Variants in RNGTT observed in about 807,000 individuals in gnomAD.
RNGTT encodes the protein mRNA-capping enzyme.
A neutral mutation model predicts 79.3 loss-of-function variants in RNGTT; 33 were observed. That is an observed-to-expected ratio of 0.42 (90% confidence interval 0.32 to 0.56). The LOEUF (loss-of-function observed/expected upper bound fraction) is 0.56, where lower values mean the gene tolerates loss of function less well. Ranked by LOEUF, RNGTT falls within the 20% of genes least tolerant of loss-of-function variation. RNGTT has a pLI of 0.17. For synonymous variants in RNGTT, 222 were observed against 235.9 expected (o/e 0.94, Z 0.54); for missense variants, 497 against 739.1 (o/e 0.67, Z 3.80).
intron 14 of RNGTT, among the ~76,000 whole-genome samples, chr6:88,642,908 T>C (rs1773377624): frequency 6.6e-6 from 1 of 152,222 alleles, no homozygotes; most frequent in Non-Finnish European, 1.5e-5. Flanking sequence ...AGAGCTAAGT[T>C]TGAAAAAATT....
intron 14 of RNGTT, among the ~76,000 whole-genome samples, chr6:88,616,483 T>C (rs1314100361): frequency 6.6e-6 from 1 of 152,162 alleles, no homozygotes; most frequent in Non-Finnish European, 1.5e-5. Flanking sequence ...GGTTCCAATG[T>C]CACATCCTTA....
At chr6:88,858,930 G>A (rs943486530) in intron 8 of RNGTT, among the ~76,000 whole-genome samples, 3 of 152,084 alleles carry the variant, frequency 2.0e-5, no homozygotes, top group African/African-American at 7.2e-5. Flanking sequence ...CAAGTGTAAA[G>A]AGAAAGCAGG....
chr6:88,751,349 A>G (rs1217649662), intron 13 of RNGTT, among the ~76,000 whole-genome samples: 1 of 152,156 alleles, frequency 6.6e-6, no homozygotes, highest in Non-Finnish European at 1.5e-5. Context: ...AGCTTGACTT[A>G]TAAATATTAG....
intron 2 of RNGTT, among the ~76,000 whole-genome samples, chr6:88,933,368 C>T (rs761116355): frequency 2.0e-5 from 3 of 152,172 alleles, no homozygotes; most frequent in Admixed American, 6.5e-5. Context: ...TACATTATAT[C>T]TAACTATATG....
intron 8 of RNGTT, among the ~76,000 whole-genome samples, chr6:88,878,371 A>T (rs1782587852): frequency 6.6e-6 from 1 of 152,182 alleles, no homozygotes; most frequent in African/African-American, 2.4e-5. Context: ...TGCTGGGATT[A>T]TAGGCATGAG....
At chr6:88,829,144 C>T (rs745823717) in intron 11 of RNGTT, among the ~76,000 whole-genome samples, 9 of 152,148 alleles carry the variant, frequency 5.9e-5, no homozygotes, top group Admixed American at 3.3e-4. Context: ...AGAGAAAGGT[C>T]GGGTTACCCA....
chr6:88,686,334 T>C (rs1775277062), intron 13 of RNGTT, among the ~76,000 whole-genome samples: 1 of 152,066 alleles, frequency 6.6e-6, no homozygotes, highest in Admixed American at 6.6e-5. Flanking sequence ...ATTACAACAC[T>C]GTTACCACAT....
intron 4 of RNGTT, among the ~76,000 whole-genome samples, chr6:88,923,133 G>T (rs1415700867): frequency 1.1e-4 from 16 of 152,272 alleles, no homozygotes; most frequent in Admixed American, 5.9e-4. Flanking sequence ...ATAATGTTTG[G>T]CTGTCCCACT....
At chr6:88,814,367 A>T (rs1780246601) in intron 11 of RNGTT, among the ~76,000 whole-genome samples, 1 of 152,124 alleles carries the variant, frequency 6.6e-6, no homozygotes, top group African/African-American at 2.4e-5. Flanking sequence ...AAAACAAACA[A>T]TTTGTTGTGT....
chr6:88,620,007 C>T (rs573053748), intron 14 of RNGTT, among the ~76,000 whole-genome samples: 11 of 152,250 alleles, frequency 7.2e-5, no homozygotes, highest in African/African-American at 1.4e-4. Context: ...AAAGTGTGTC[C>T]GCCTACTAAA....
At chr6:88,724,318 C>A (rs1776810414) in intron 13 of RNGTT, among the ~76,000 whole-genome samples, 1 of 152,074 alleles carries the variant, frequency 6.6e-6, no homozygotes, top group South Asian at 2.1e-4. Context: ...TTTAAAAAAT[C>A]TTTTGTACCT....
chr6:88,832,569 C>G (rs1005482739), intron 11 of RNGTT, among the ~76,000 whole-genome samples: 1 of 151,962 alleles, frequency 6.6e-6, no homozygotes, highest in Non-Finnish European at 1.5e-5. Context: ...GAAATAAAAG[C>G]CAAAATTGAC....
intron 12 of RNGTT, among the ~76,000 whole-genome samples, chr6:88,799,766 T>C (rs1252032742): frequency 6.7e-6 from 1 of 149,916 alleles, no homozygotes; most frequent in Non-Finnish European, 1.5e-5. Context: ...ATCAACTGCC[T>C]ATACTAGACA....
At chr6:88,681,605 T>C (rs1775097508) in intron 13 of RNGTT, among the ~76,000 whole-genome samples, 1 of 152,190 alleles carries the variant, frequency 6.6e-6, no homozygotes, top group South Asian at 2.1e-4. Flanking sequence ...GTATATGTAA[T>C]TATAGTCAAG....
At chr6:88,759,409 A>G (rs1778131447) in intron 13 of RNGTT, among the ~76,000 whole-genome samples, 1 of 152,160 alleles carries the variant, frequency 6.6e-6, no homozygotes, top group African/African-American at 2.4e-5. Context: ...TTAGACACCA[A>G]AATCTTCGTG....
chr6:88,835,502 A>G (rs748690716), intron 11 of RNGTT, among the ~76,000 whole-genome samples: 20 of 152,224 alleles, frequency 1.3e-4, no homozygotes, highest in Non-Finnish European at 2.4e-4. Context: ...AAAATAGGCA[A>G]TTAGACAAGA....
chr6:88,943,596 G>A (rs1784918416), intron 1 of RNGTT, among the ~76,000 whole-genome samples: 1 of 151,192 alleles, frequency 6.6e-6, no homozygotes, highest in Non-Finnish European at 1.5e-5. Flanking sequence ...ACAAAAAACA[G>A]AAAAGCCCTG....
intron 12 of RNGTT, among the ~76,000 whole-genome samples, chr6:88,771,426 T>C (rs996735053): frequency 6.7e-6 from 1 of 150,158 alleles, no homozygotes; most frequent in East Asian, 2.0e-4. Flanking sequence ...TTCCTGCTAA[T>C]AGAATAGTCT....
intron 14 of RNGTT, among the ~76,000 whole-genome samples, chr6:88,654,033 A>G (rs188722349): frequency 2.0e-4 from 31 of 152,346 alleles, no homozygotes; most frequent in African/African-American, 7.5e-4. Flanking sequence ...ACTTTTATCT[A>G]CAACTACTGT....
Sources: gnomAD v4.1 joint callset for allele counts (sites outside exome capture counted in the v4.1 genomes callset) on GRCh38, gnomAD v4.1.1 for gene constraint, MANE v1.5 for transcripts, NCBI Gene and HGNC (gene_info 2026-07-23, HGNC 2026-07-21) for gene names.